Variants in TRPC6 observed in about 807,000 individuals in gnomAD.
TRPC6 encodes short transient receptor potential channel 6.
In TRPC6, 55 loss-of-function variants were observed where a neutral mutation model predicts 90.7. The ratio of observed to expected loss-of-function variants is 0.61; its 90% CI spans 0.49 to 0.76. The LOEUF is 0.76. Ranked by LOEUF, TRPC6 falls within the 30% of genes least tolerant of loss-of-function variation. The probability of loss-of-function intolerance (pLI) is 0.00; values close to 1 mark genes in which losing one functional copy is unlikely to be tolerated. For synonymous variants in TRPC6, 393 were observed against 393.0 expected, an observed-to-expected ratio of 1.00 and a Z score of 0.00; for missense variants, 989 against 1,122.7, an observed-to-expected ratio of 0.88 and a Z score of 1.70.
At chr11:101,559,911 T>G (rs1861678116) in intron 1 of TRPC6, among the ~76,000 whole-genome samples, 1 of 151,966 alleles carries the variant, frequency 6.6e-6, no homozygotes, top group Non-Finnish European at 1.5e-5. Flanking sequence ...TGCGATAGTT[T>G]GCTGAGAATG....
intron 1 of TRPC6, among the ~76,000 whole-genome samples, chr11:101,554,082 C>T (rs374145570): frequency 7.2e-5 from 11 of 151,998 alleles, no homozygotes; most frequent in East Asian, 3.9e-4. Context: ...ATTCACTGGC[C>T]GGTGACTTTT....
intron 1 of TRPC6, among the ~76,000 whole-genome samples, chr11:101,529,619 A>G (rs901857696): frequency 1.2e-4 from 19 of 152,230 alleles, no homozygotes; most frequent in Admixed American, 1.2e-3. Flanking sequence ...AAATGCACTT[A>G]TTTATGAAAT....
chr11:101,540,918 G>A (rs1465348070), intron 1 of TRPC6, among the ~76,000 whole-genome samples: 2 of 149,690 alleles, frequency 1.3e-5, no homozygotes, highest in African/African-American at 4.9e-5. Context: ...AACCTGCAAG[G>A]AACTATAAAA....
intron 2 of TRPC6, among the ~76,000 whole-genome samples, chr11:101,499,756 A>G (rs1860056124): frequency 1.4e-4 from 1 of 6,946 alleles, no homozygotes; most frequent in Admixed American, 3.2e-3. Context: ...CACAATATAT[A>G]ATGTGTATAT....
chr11:101,464,346 T>TTTAA (rs1377847404), intron 10 of TRPC6, among the ~76,000 whole-genome samples: 1 of 151,528 alleles, frequency 6.6e-6, no homozygotes, highest in Non-Finnish European at 1.5e-5. Flanking sequence ...CCCTAATATC[T>TTTAA]TTAATTTTCT....
chr11:101,453,240 C>T, intron 12 of TRPC6, 134 bp from the exon 13 acceptor site: 1 of 893,214 alleles, frequency 1.1e-6, no homozygotes, highest in Non-Finnish European at 1.8e-6. Context: ...GAAATAACTT[C>T]CTAATTGAGC....
chr11:101,460,688 A>G (rs1216076891), intron 10 of TRPC6, among the ~76,000 whole-genome samples: 7 of 152,214 alleles, frequency 4.6e-5, no homozygotes, highest in African/African-American at 1.4e-4. Context: ...GGAATATTCA[A>G]TTAAGAATCA....
At chr11:101,491,983 G>A (rs1276597982) in intron 2 of TRPC6, among the ~76,000 whole-genome samples, 1 of 151,380 alleles carries the variant, frequency 6.6e-6, no homozygotes, top group East Asian at 2.0e-4. Context: ...TGGGACTACA[G>A]GCGCCCGCCA....
At chr11:101,553,656 C>G (rs895738219) in intron 1 of TRPC6, among the ~76,000 whole-genome samples, 1 of 152,082 alleles carries the variant, frequency 6.6e-6, no homozygotes, top group African/African-American at 2.4e-5. Flanking sequence ...ACCAGCTCAC[C>G]TACTGAGAAC....
chr11:101,487,925 G>T (rs1859714466), intron 4 of TRPC6, among the ~76,000 whole-genome samples: 1 of 152,090 alleles, frequency 6.6e-6, no homozygotes, highest in Admixed American at 6.5e-5. Flanking sequence ...CCCTAATATG[G>T]CTAAAACACC....
In TRPC6 at chr11:101,504,403, C is replaced by A. The variant is rs746315421; in HGVS notation, c.566G>T (p.Gly189Val). 14 of 1,614,078 alleles carry A rather than the reference C, an allele frequency of 8.7e-6. No homozygotes were observed. The South Asian group carries it at 1.3e-4, about 15-fold the overall frequency. ...GCTAGGGCTGGTTGCTAACCTCTTG[C>A]CTTCAGCAAAAGCCGGATGACTGAG... ...AILSHPAFAE[G>V]KRLATSPSQS... is the part of the protein sequence containing the mutation. Residue 189 changes from glycine to valine, a missense_variant, in exon 2 of 13, where the codon GGC becomes GTC. By Grantham distance (109) the Gly-to-Val change is moderately radical. Around this residue, in one of 4 missense-constraint regions of TRPC6, gnomAD observed 486 missense variants for 591.9 expected, o/e 0.82. Coordinates refer to ENST00000344327, the MANE Select transcript of TRPC6 (RefSeq NM_004621.6).
intron 1 of TRPC6, among the ~76,000 whole-genome samples, chr11:101,517,642 G>C (rs1021974129): frequency 1.3e-5 from 2 of 152,122 alleles, no homozygotes; most frequent in South Asian, 4.1e-4. Context: ...TTCCAGAAGG[G>C]TATTTAAAAT....
chr11:101,485,156 C>G (rs954990005), intron 4 of TRPC6, among the ~76,000 whole-genome samples: 3 of 151,592 alleles, frequency 2.0e-5, no homozygotes, highest in Non-Finnish European at 2.9e-5. Context: ...CACACACACA[C>G]AGAGTTTTAA....
chr11:101,464,345 C>A (rs1241451608), intron 10 of TRPC6, among the ~76,000 whole-genome samples: 1 of 151,774 alleles, frequency 6.6e-6, no homozygotes, highest in Non-Finnish European at 1.5e-5. Flanking sequence ...TCCCTAATAT[C>A]TTTAATTTTC....
At chr11:101,468,194 G>A (rs117013529) in intron 10 of TRPC6, among the ~76,000 whole-genome samples, 2,448 of 152,172 alleles carry the variant, frequency 0.016, 43 homozygotes, top group South Asian at 0.058. Context: ...ACCTCCCACT[G>A]CAGCCCTTCT....
At chr11:101,575,482 C>G (rs184550537) in intron 1 of TRPC6, among the ~76,000 whole-genome samples, 1 of 152,204 alleles carries the variant, frequency 6.6e-6, no homozygotes, top group East Asian at 1.9e-4. Flanking sequence ...TACTGTCATT[C>G]TTTTTTCTTA....
intron 1 of TRPC6, among the ~76,000 whole-genome samples, chr11:101,566,617 G>A (rs564168687): frequency 1.3e-5 from 2 of 152,098 alleles, no homozygotes; most frequent in African/African-American, 4.8e-5. Flanking sequence ...GAACAGCTCC[G>A]GTCTGCAGCT....
chr11:101,514,491 T>G (rs1229128480), intron 1 of TRPC6, among the ~76,000 whole-genome samples: 4 of 152,126 alleles, frequency 2.6e-5, no homozygotes, highest in Admixed American at 2.6e-4. Flanking sequence ...ATCACAGTTG[T>G]TTAAGTCAGC....
intron 1 of TRPC6, among the ~76,000 whole-genome samples, chr11:101,573,952 GTGTGTA>G (rs1375668879): frequency 0.016 from 2,131 of 135,244 alleles, 62 homozygotes; most frequent in Non-Finnish European, 0.025. Flanking sequence ...GTGTGTGTGT[GTGTGTA>G]TGTGTGTGTG....
Sources: gnomAD v4.1 joint callset for allele counts (sites outside exome capture counted in the v4.1 genomes callset) on GRCh38, gnomAD v4.1.1 for gene constraint, gnomAD v4.1.1 regional missense constraint, MANE v1.5 for transcripts, NCBI Gene and HGNC (gene_info 2026-07-23, HGNC 2026-07-21) for gene names.